DBF4B: variants seen among roughly 807,000 people sequenced by gnomAD.
DBF4B encodes protein DBF4 homolog B.
DBF4B carries 49 observed loss-of-function variants against 53.4 expected under a neutral mutation model. That is an observed-to-expected ratio of 0.92 (90% CI 0.73 to 1.16). The LOEUF (loss-of-function observed/expected upper bound fraction) is 1.16. Among genes scored for constraint, DBF4B ranks in the 50% most tolerant of loss-of-function variants. The probability of loss-of-function intolerance (pLI) is 0.00; values close to 1 mark genes in which losing one functional copy is unlikely to be tolerated. For missense variants in DBF4B, 692 were observed against 775.0 expected (o/e 0.89, Z 1.27); for synonymous variants, 257 against 288.7 (o/e 0.89, Z 1.11).
At chr17:44,741,217 A>G in intron 9 of DBF4B, 119 bp from the exon 10 acceptor site, 1 of 717,702 alleles carries the variant, frequency 1.4e-6, no homozygotes, top group Non-Finnish European at 2.5e-6. Flanking sequence ...TAGAATTTAA[A>G]AGATGTGGAG....
chr17:44,708,738 C>A lies in DBF4B; in HGVS notation c.-83C>A, dbSNP rs1972589055. 2.7e-6 allele frequency: 4 copies of A among 1,492,254 alleles called. No homozygotes were observed. The highest frequency in any genetic ancestry group is 1.4e-5 in the African/African-American group (1 of 71,210). The allele number at this position is 1,492,254 out of a possible 1,614,324, so 92.4% of individuals were successfully genotyped here. A position where few individuals can be genotyped will look rare whatever the true frequency, so the allele number is the denominator to read the frequency against. ...CCTGAGATAACCAGGACTGTGGAATCGGGAAGAGCTCATGGAGCTCGCGAA... is the reference window on the plus strand; with the variant it reads ...CCTGAGATAACCAGGACTGTGGAATAGGGAAGAGCTCATGGAGCTCGCGAA... On this transcript the variant is annotated 5_prime_UTR_variant, in exon 1 of 14. Transcript: ENST00000315005.
chr17:44,741,579 C>T (rs1016252237), intron 10 of DBF4B, 127 bp downstream of exon 10: 5 of 608,218 alleles, frequency 8.2e-6, no homozygotes, highest in Admixed American at 3.3e-5. Context: ...ATTCTGGGAA[C>T]GTAGCCCAGA....
In DBF4B at chr17:44,708,773, G is replaced by C. The variant is rs1469954991; in HGVS notation, c.-48G>C. 1.3e-6 allele frequency: 2 copies of C among 1,547,570 alleles called. No individual in the cohort carries two copies. The highest frequency in any genetic ancestry group is 8.7e-7 in the Non-Finnish European group (1 of 1,144,606). On this transcript the variant is annotated 5_prime_UTR_variant, in exon 1 of 14. Transcript: ENST00000315005. ...TCATGGAGCTCGCGAATGTAATACGGAGGCCTCTGAGGAAGGAGTACGGAG... is the reference window on the plus strand; with the variant it reads ...TCATGGAGCTCGCGAATGTAATACGCAGGCCTCTGAGGAAGGAGTACGGAG...
chr17:44,719,711 CT>C (rs36051583), intron 2 of DBF4B: 24 of 160,136 alleles, frequency 1.5e-4, no homozygotes, highest in South Asian at 5.6e-4. Flanking sequence ...TGAGTTTCCA[CT>C]TTTTTTTTAA....
chr17:44,715,198 AT>A (rs1471407497), intron 2 of DBF4B, among the ~76,000 whole-genome samples: 3 of 149,196 alleles, frequency 2.0e-5, no homozygotes, highest in Admixed American at 6.7e-5. Flanking sequence ...TTTCTTGTGG[AT>A]TTTTGTTTGT....
Position 44,751,894 on chromosome 17 carries a change from C to A in DBF4B, c.*641C>A, listed in dbSNP as rs978676475. ...CCTCAGTGGCCTGGTTCTCCTGTCC[C>A]CCTGCCCTTCCTCACCATTGCCCAT... On this transcript the variant is annotated 3_prime_UTR_variant, in exon 14 of 14. Coordinates refer to ENST00000315005, the MANE Select transcript of DBF4B (RefSeq NM_145663.3). The A allele has an allele frequency of 4.6e-6, 7 of 1,536,128 alleles. No individual in the cohort carries two copies. The African/African-American group carries it at 9.6e-5, about 21-fold the overall frequency.
chr17:44,722,890 G>C lies in DBF4B; in HGVS notation c.93G>C (p.Arg31Ser). The C allele has an allele frequency of 6.2e-7, 1 of 1,614,008 alleles. No homozygotes were observed. Among genetic ancestry groups the C allele is most frequent in the Non-Finnish European group, 8.5e-7 (1 of 1,179,972 alleles). The part of the protein sequence containing the change: ...RLRAPDLGVS[R>S]CLGKCQKNSP... Reference sequence around the variant, plus strand: ...TTTATTGTTTTCTAGGAGTTTCCAGGTGTCTAGGAAAATGCCAGAAGAACT... The same window carrying C: ...TTTATTGTTTTCTAGGAGTTTCCAGCTGTCTAGGAAAATGCCAGAAGAACT... Residue 31 changes from arginine (R) to serine (S), a missense_variant, in exon 3 of 14, where the codon AGG (arginine) becomes AGC (serine). Arg to Ser is a moderately radical substitution (Grantham distance 110). Around this residue, in one of 3 missense-constraint regions of DBF4B, gnomAD observed 66 missense variants for 51.3 expected, o/e 1.29. Transcript: ENST00000315005.
In DBF4B at chr17:44,708,828, A is replaced by G. The variant is rs1047905903; in HGVS notation, c.8A>G (p.Glu3Gly). MS[E>G]PGKGDDCLEL... ...AGAAGGAGCCGGCATTTGATGAGCG[A>G]ACCGGGAAAGGGTACGGATGCCGGG... Residue 3 changes from glutamate (E) to glycine (G), a missense_variant, in exon 1 of 14, where the codon GAA becomes GGA. Around this residue, in one of 3 missense-constraint regions of DBF4B, gnomAD observed 66 missense variants for 51.3 expected, o/e 1.29. Coordinates refer to ENST00000315005, the MANE Select transcript of DBF4B (RefSeq NM_145663.3). The G allele has an allele frequency of 6.4e-7, 1 of 1,551,714 alleles. No homozygotes were observed. Among genetic ancestry groups the G allele is most frequent in the African/African-American group, 1.4e-5 (1 of 73,138 alleles).
At chr17:44,746,733 G>C (rs1196478755) in intron 10 of DBF4B, among the ~76,000 whole-genome samples, 1 of 151,690 alleles carries the variant, frequency 6.6e-6, no homozygotes, top group East Asian at 1.9e-4. Context: ...GCAGGAGAAT[G>C]GCTTGAGCCC....
At chr17:44,709,917 T>A (rs1264547870) in intron 2 of DBF4B, among the ~76,000 whole-genome samples, 1 of 151,800 alleles carries the variant, frequency 6.6e-6, no homozygotes, top group Non-Finnish European at 1.5e-5. Flanking sequence ...CTCACGCCTG[T>A]AATCCCAGCA....
At chr17:44,744,018 CA>C (rs1976336114) in intron 10 of DBF4B, among the ~76,000 whole-genome samples, 1 of 143,528 alleles carries the variant, frequency 7.0e-6, no homozygotes, top group Non-Finnish European at 1.5e-5. Flanking sequence ...TTTGGGAGGC[CA>C]AGGGGGAAGG....
intron 2 of DBF4B, among the ~76,000 whole-genome samples, chr17:44,716,256 G>C (rs538133778): frequency 4.7e-4 from 72 of 152,150 alleles, no homozygotes; most frequent in African/African-American, 1.6e-3. Flanking sequence ...GCAATTTTGT[G>C]GGGGAGGGAC....
At chr17:44,721,768 G>A (rs1374758076) in intron 2 of DBF4B, among the ~76,000 whole-genome samples, 1 of 150,974 alleles carries the variant, frequency 6.6e-6, no homozygotes, top group Non-Finnish European at 1.5e-5. Flanking sequence ...GCTGCTCGAA[G>A]GAAGATCAAA....
rs1490993987 is a variant in DBF4B at position 44,751,836 on chromosome 17, C to G, written c.*583C>G. 1 of 1,534,794 alleles carries G rather than the reference C, an allele frequency of 6.5e-7. No individual in the cohort carries two copies. On this transcript the variant is annotated 3_prime_UTR_variant, in exon 14 of 14. Transcript: ENST00000315005. ...TGGTTCCTTTTCTCCTTTCTTTCCTCCTTGAAGCCTGGCTCCCTTGGTCGC... is the reference window on the plus strand; with the variant it reads ...TGGTTCCTTTTCTCCTTTCTTTCCTGCTTGAAGCCTGGCTCCCTTGGTCGC...
At chr17:44,741,566 T>G (rs1976033121) in intron 10 of DBF4B, 114 bp downstream of exon 10, 2 of 665,774 alleles carry the variant, frequency 3.0e-6, no homozygotes, top group African/African-American at 1.8e-5. Flanking sequence ...TTAGGCAAAG[T>G]CTATTCTGGG....
chr17:44,718,756 C>G (rs1237174140), intron 2 of DBF4B: 1 of 151,906 alleles, frequency 6.6e-6, no homozygotes, highest in Non-Finnish European at 1.5e-5. Context: ...TAATAACTAT[C>G]TTACAGGAAG....
chr17:44,722,719 G>C (rs1366312126), intron 2 of DBF4B, among the ~76,000 whole-genome samples, 161 bp from the exon 3 acceptor site: 3 of 152,332 alleles, frequency 2.0e-5, no homozygotes, highest in East Asian at 3.9e-4. Flanking sequence ...CACCACATCT[G>C]AGCTTCTGAG....
At chr17:44,721,808 G>A (rs576307379) in intron 2 of DBF4B, among the ~76,000 whole-genome samples, 22 of 150,926 alleles carry the variant, frequency 1.5e-4, no homozygotes, top group Non-Finnish European at 2.4e-4. Context: ...GTGTCCCTCC[G>A]CTGAGTTTAG....
At chr17:44,721,122 T>TC (rs1252209652) in intron 2 of DBF4B, among the ~76,000 whole-genome samples, 13 of 151,952 alleles carry the variant, frequency 8.6e-5, no homozygotes, top group African/African-American at 3.1e-4. Context: ...TGCCTCAGCC[T>TC]CCCAAAGTAC....
Sources: gnomAD v4.1 joint callset for allele counts (sites outside exome capture counted in the v4.1 genomes callset) on GRCh38, gnomAD v4.1.1 for gene constraint, gnomAD v4.1.1 regional missense constraint, MANE v1.5 for transcripts, NCBI Gene and HGNC (gene_info 2026-07-23, HGNC 2026-07-21) for gene names.